CNTNAP2: variants seen among roughly 807,000 people sequenced by gnomAD.
CNTNAP2 encodes the protein contactin-associated protein-like 2.
In CNTNAP2, 98 loss-of-function variants were observed where a neutral mutation model predicts 155.2. That is an observed-to-expected ratio of 0.63 (90% CI 0.54 to 0.75). The LOEUF (loss-of-function observed/expected upper bound fraction) is 0.75. CNTNAP2 is among the 30% of genes least tolerant of loss of function. The pLI, the probability that CNTNAP2 is intolerant of heterozygous loss-of-function variation, is 0.00. For synonymous variants in CNTNAP2, 651 were observed against 631.2 expected, an observed-to-expected ratio of 1.03 and a Z score of -0.47; for missense variants, 1,727 against 1,688.1, an observed-to-expected ratio of 1.02 and a Z score of -0.40.
chr7:147,504,781 G>A (rs1218279544), intron 11 of CNTNAP2, among the ~76,000 whole-genome samples: 1 of 149,930 alleles, frequency 6.7e-6, no homozygotes, highest in Non-Finnish European at 1.5e-5. Context: ...ATTATATCGA[G>A]ATTGTATTTT....
intron 13 of CNTNAP2, among the ~76,000 whole-genome samples, chr7:147,774,282 A>T (rs1525266): frequency 0.013 from 2,018 of 152,272 alleles, 103 homozygotes; most frequent in Admixed American, 0.089. Context: ...CCTAGGACAG[A>T]ACTTAAGGAA....
intron 15 of CNTNAP2, among the ~76,000 whole-genome samples, chr7:148,093,273 A>T (rs1803887281): frequency 6.6e-6 from 1 of 152,160 alleles, no homozygotes; most frequent in Non-Finnish European, 1.5e-5. Flanking sequence ...TATGTGCATC[A>T]ACACCGGCTA....
chr7:146,838,280 C>T (rs1803655071), intron 2 of CNTNAP2, among the ~76,000 whole-genome samples: 1 of 152,096 alleles, frequency 6.6e-6, no homozygotes, highest in Non-Finnish European at 1.5e-5. Context: ...CTGCACTGCC[C>T]ATTGTCCAGT....
intron 3 of CNTNAP2, among the ~76,000 whole-genome samples, chr7:146,929,366 G>A (rs1392431081): frequency 1.3e-5 from 2 of 152,204 alleles, no homozygotes; most frequent in Non-Finnish European, 2.9e-5. Flanking sequence ...CAACAGGCCT[G>A]CAGCTGAGGG....
intron 3 of CNTNAP2, among the ~76,000 whole-genome samples, chr7:146,898,551 T>TTGTG (rs113858833): frequency 2.6e-5 from 4 of 150,992 alleles, no homozygotes; most frequent in East Asian, 1.9e-4. Context: ...ATGGCATCTA[T>TTGTG]TGTGTGTGTG....
intron 1 of CNTNAP2, among the ~76,000 whole-genome samples, chr7:146,698,726 T>C (rs1800825601): frequency 6.6e-6 from 1 of 151,988 alleles, no homozygotes; most frequent in South Asian, 2.1e-4. Context: ...CTCTCTCTCT[T>C]TCTCTCTCTC....
At chr7:147,353,221 C>T (rs1458312911) in intron 9 of CNTNAP2, among the ~76,000 whole-genome samples, 2 of 151,202 alleles carry the variant, frequency 1.3e-5, no homozygotes. Flanking sequence ...CATAGGTATA[C>T]ACGTGCCATG....
At chr7:146,547,866 C>T (rs987571632) in intron 1 of CNTNAP2, among the ~76,000 whole-genome samples, 2 of 149,712 alleles carry the variant, frequency 1.3e-5, no homozygotes, top group Non-Finnish European at 3.0e-5. Flanking sequence ...TTAAAGGAAC[C>T]TTAATACGGT....
chr7:146,323,938 C>G (rs1057353740), intron 1 of CNTNAP2, among the ~76,000 whole-genome samples: 3 of 152,162 alleles, frequency 2.0e-5, no homozygotes, highest in Non-Finnish European at 4.4e-5. Flanking sequence ...ACATCCCTTT[C>G]TATTCTCCCC....
At chr7:147,705,073 A>G (rs1386050339) in intron 13 of CNTNAP2, among the ~76,000 whole-genome samples, 2 of 151,516 alleles carry the variant, frequency 1.3e-5, no homozygotes, top group Non-Finnish European at 2.9e-5. Flanking sequence ...GTTCTACTCT[A>G]ATTTTTATTA....
intron 12 of CNTNAP2, among the ~76,000 whole-genome samples, chr7:147,632,351 C>T (rs368077036): frequency 1.3e-5 from 2 of 152,164 alleles, no homozygotes; most frequent in East Asian, 3.8e-4. Flanking sequence ...TGATCCCCAA[C>T]CCAGTGTTGC....
At chr7:148,257,314 A>G (rs918744103) in intron 20 of CNTNAP2, among the ~76,000 whole-genome samples, 1 of 152,162 alleles carries the variant, frequency 6.6e-6, no homozygotes, top group Non-Finnish European at 1.5e-5. Context: ...CGTGAAACAC[A>G]CCAGGCACCT....
chr7:148,070,475 G>A (rs915025607), intron 15 of CNTNAP2, among the ~76,000 whole-genome samples: 62 of 152,290 alleles, frequency 4.1e-4, no homozygotes, highest in Admixed American at 3.5e-3. Context: ...CCCAGCACTC[G>A]GGAGGCCGAG....
rs201163036 is a variant in CNTNAP2, at chr7:146,263,262, C to CGAGG, written c.97+146302_97+146305dup. Among the ~76,000 whole-genome samples the CGAGG allele has an allele frequency of 2.1e-4, 31 of 146,898 alleles. No individual in the cohort carries two copies. The East Asian group carries it at 5.4e-3, about 26-fold the overall frequency. ...TGAAGGAAAGGAGGGAGGGAGTGAG[C>CGAGG]GAGGGAGGGAGGGAGGAAGGAAGGA... On this transcript the variant is annotated intron_variant, in intron 1 of 23. Coordinates refer to ENST00000361727, the MANE Select transcript of CNTNAP2 (RefSeq NM_014141.6).
At chr7:148,367,042 C>A (rs142066977) in intron 21 of CNTNAP2, among the ~76,000 whole-genome samples, 1 of 152,154 alleles carries the variant, frequency 6.6e-6, no homozygotes, top group African/African-American at 2.4e-5. Flanking sequence ...ACCACTCTGG[C>A]CAACATGGTG....
chr7:147,472,711 G>A (rs1798247037), intron 10 of CNTNAP2, among the ~76,000 whole-genome samples: 2 of 152,076 alleles, frequency 1.3e-5, no homozygotes, highest in South Asian at 2.1e-4. Flanking sequence ...CCAAACTTCT[G>A]TTTACAAAGC....
chr7:147,560,563 T>C (rs950610109), intron 11 of CNTNAP2, among the ~76,000 whole-genome samples: 6 of 152,126 alleles, frequency 3.9e-5, no homozygotes, highest in Non-Finnish European at 5.9e-5. Context: ...GTCTGGGCTT[T>C]GCCGAGCTTT....
At position 146,596,595 on chromosome 7, in the gene CNTNAP2, CAGAGAGAGAG is replaced by C. The variant is rs368697909; in HGVS notation, c.98-177640_98-177631del. On this transcript the variant is annotated intron_variant, in intron 1 of 23. Transcript: ENST00000361727. ...AAGAAAGAGAGAGATAGAAGGGAGA[CAGAGAGAGAG>C]AGAGAGAGAGAGAGAGAGAGAGAGA... Among the ~76,000 whole-genome samples the C allele has an allele frequency of 5.7e-3, 594 of 105,046 alleles. 4 individuals are homozygous for C. Among genetic ancestry groups the C allele is most frequent in the East Asian group, 0.04 (148 of 3,658 alleles). The allele number at this position is 105,046 out of a possible 152,430, so 68.9% of individuals were successfully genotyped here. A position where few individuals can be genotyped will look rare whatever the true frequency, so the allele number is the denominator to read the frequency against.
chr7:147,924,146 T>TTTTTTTTC, intron 14 of CNTNAP2, among the ~76,000 whole-genome samples: 1 of 133,062 alleles, frequency 7.5e-6, no homozygotes, highest in South Asian at 2.4e-4. Flanking sequence ...TTCTTTTCTT[T>TTTTTTTTC]TTTTTTTTTT....
Sources: gnomAD v4.1 joint callset for allele counts (sites outside exome capture counted in the v4.1 genomes callset) on GRCh38, gnomAD v4.1.1 for gene constraint, MANE v1.5 for transcripts, NCBI Gene and HGNC (gene_info 2026-07-23, HGNC 2026-07-21) for gene names.